The following TMED2 variants were observed in gnomAD, a reference collection of about 807,000 sequenced individuals.
TMED2 encodes transmembrane emp24 domain-containing protein 2.
Under a neutral mutation model 17.5 loss-of-function variants are expected in TMED2, and 3 were observed. That is an observed-to-expected ratio of 0.17 (90% CI 0.08 to 0.44). The LOEUF (loss-of-function observed/expected upper bound fraction) is 0.44. TMED2 is among the 20% of genes least tolerant of loss of function. The pLI is 0.99. For synonymous variants in TMED2, 95 were observed against 91.0 expected (o/e 1.04, Z -0.25); for missense variants, 149 against 254.8 (o/e 0.58, Z 2.83).
intron 1 of TMED2, chr12:123,586,351 CTTTTT>C (rs201491008): frequency 4.5e-5 from 6 of 131,966 alleles, no homozygotes; most frequent in East Asian, 2.2e-4. Context: ...TGGTGAATTT[CTTTTT>C]TTTTTTTTTT....
intron 3 of TMED2, among the ~76,000 whole-genome samples, chr12:123,596,105 T>C (rs1953429125): frequency 6.6e-6 from 1 of 152,220 alleles, no homozygotes; most frequent in African/African-American, 2.4e-5. Context: ...ATGACTTCAC[T>C]TAGAAATTTT....
In TMED2 at chr12:123,596,624, C is replaced by T. The variant is rs1191786122; in HGVS notation, c.501C>T (p.Ser167=). 7.5e-6 allele frequency: 12 copies of T among 1,610,250 alleles called. No homozygotes were observed. The highest frequency in any genetic ancestry group is 1.0e-5 in the Non-Finnish European group (12 of 1,178,734). ...CAACAGTCAACGACAACACAAACAG[C>T]AGAGTGGTCCTTTGGTCCTTCTTTG... is the stretch of plus-strand genomic sequence containing the variant. ...IHRAINDNTN[S]RVVLWSFFEA... is the part of the protein sequence containing the mutation. Residue 167 remains serine, a synonymous_variant, in exon 4 of 4, where the codon AGC becomes AGT. Coordinates refer to ENST00000262225, the MANE Select transcript of TMED2 (RefSeq NM_006815.4).
intron 3 of TMED2, among the ~76,000 whole-genome samples, chr12:123,591,922 AC>A (rs1953395445): frequency 1.3e-5 from 2 of 152,238 alleles, no homozygotes; most frequent in Non-Finnish European, 2.9e-5. Context: ...TTGTTCTGAG[AC>A]TGGAGTAGGA....
Position 123,584,775 on chromosome 12 carries a change from T to C in TMED2, c.139T>C (p.Phe47Leu). 6.2e-7 allele frequency: 1 copy of C among 1,613,154 alleles called. No individual in the cohort carries two copies. Among genetic ancestry groups the C allele is most frequent in the Non-Finnish European group, 8.5e-7 (1 of 1,179,860 alleles). Residue 47 changes from phenylalanine to leucine, a missense_variant, in exon 1 of 4, where the codon TTC becomes CTC. By Grantham distance (22) the Phe-to-Leu change is conservative. Coordinates refer to ENST00000262225, the MANE Select transcript of TMED2 (RefSeq NM_006815.4). ...CTCGGGCACCAAGATGGGCCTCATCTTCGAGGTGGCGGAGGGCGGCTTCCT... is the reference window on the plus strand; with the variant it reads ...CTCGGGCACCAAGATGGGCCTCATCCTCGAGGTGGCGGAGGGCGGCTTCCT... ...VTSGTKMGLI[F>L]EVAEGGFLDI... is the part of the protein sequence containing the mutation.
intron 3 of TMED2, among the ~76,000 whole-genome samples, chr12:123,595,008 C>T (rs1953420622): frequency 6.6e-6 from 1 of 152,152 alleles, no homozygotes. Flanking sequence ...GCAGGCAGAT[C>T]ACCTGAGGTT....
intron 2 of TMED2, among the ~76,000 whole-genome samples, chr12:123,588,302 G>C (rs1953366853): frequency 6.6e-6 from 1 of 151,894 alleles, no homozygotes. Context: ...CAGATATTCA[G>C]TATCAGTAGA....
intron 3 of TMED2, among the ~76,000 whole-genome samples, chr12:123,594,194 G>A (rs1264839465): frequency 1.3e-5 from 2 of 151,270 alleles, no homozygotes; most frequent in Admixed American, 1.3e-4. Flanking sequence ...GAGTGCAGTG[G>A]TGCAAACTCG....
chr12:123,584,860 C>A, intron 1 of TMED2, 44 bp downstream of exon 1: 1 of 1,596,130 alleles, frequency 6.3e-7, no homozygotes, highest in Non-Finnish European at 8.5e-7. Context: ...CGCGTGGCCA[C>A]TCGGGGATTG....
intron 3 of TMED2, among the ~76,000 whole-genome samples, chr12:123,592,193 C>T (rs1284971493): frequency 6.6e-6 from 1 of 152,178 alleles, no homozygotes; most frequent in East Asian, 1.9e-4. Flanking sequence ...CCTCTTGCCT[C>T]ACAATTTTGT....
chr12:123,594,826 G>T (rs1036281211), intron 3 of TMED2, among the ~76,000 whole-genome samples: 2 of 152,024 alleles, frequency 1.3e-5, no homozygotes, highest in Non-Finnish European at 1.5e-5. Flanking sequence ...GGTGGAGGTT[G>T]CAGTGAGCTG....
rs1167523053 is a variant in TMED2, at chr12:123,597,539, T to A, written c.*810T>A. The A allele has an allele frequency of 3.9e-5, 6 of 152,680 alleles. No homozygotes were observed. The highest frequency in any genetic ancestry group is 3.3e-4 in the Admixed American group (5 of 15,280). The allele number at this position is 152,680 out of a possible 1,614,324, so 9.5% of individuals were successfully genotyped here. On this transcript the variant is annotated 3_prime_UTR_variant, in exon 4 of 4. Coordinates refer to ENST00000262225, the MANE Select transcript of TMED2 (RefSeq NM_006815.4). ...AAGCATTTACATAATTGGAAAAATC[T>A]GGATTTCTGATGCCAAAGGGTTAAA...
chr12:123,589,150 A>G (rs1953372190), intron 2 of TMED2, among the ~76,000 whole-genome samples: 1 of 152,100 alleles, frequency 6.6e-6, no homozygotes, highest in Admixed American at 6.5e-5. Context: ...CCTTGTGTGT[A>G]TTTTTGGTTC....
At chr12:123,591,446 A>G (rs2135662454) in intron 3 of TMED2, among the ~76,000 whole-genome samples, 1 of 152,328 alleles carries the variant, frequency 6.6e-6, no homozygotes, top group African/African-American at 2.4e-5. Flanking sequence ...GGGCCACACC[A>G]TTGTTCAGTG....
At chr12:123,587,659 C>T in intron 2 of TMED2, 15 of 1,264,712 alleles carry the variant, frequency 1.2e-5, no homozygotes, top group Non-Finnish European at 1.3e-5. Context: ...TGACAGCATC[C>T]TTTTTGCATC....
At chr12:123,593,316 T>A (rs1284402646) in intron 3 of TMED2, among the ~76,000 whole-genome samples, 1 of 151,934 alleles carries the variant, frequency 6.6e-6, no homozygotes, top group Admixed American at 6.6e-5. Flanking sequence ...GCAGTGGTGC[T>A]ATCTCAGCCC....
chr12:123,590,986 G>GAA (rs79667168), intron 3 of TMED2, among the ~76,000 whole-genome samples: 4 of 132,032 alleles, frequency 3.0e-5, no homozygotes, highest in Admixed American at 7.8e-5. Flanking sequence ...CTGTCTCAGG[G>GAA]AAAAAAAAAA....
In TMED2 at chr12:123,586,901, T is replaced by G; in HGVS notation, c.335T>G (p.Ile112Ser). ...TPKIVMFTID[I>S]GEAPKGQDME... ...AAAATAGTGATGTTCACCATTGATA[T>G]TGGGGAGGCTCCAAAAGGACAAGAT... The change falls in exon 2 of 4, where the codon ATT becomes AGT. Residue 112 changes from isoleucine to serine, a missense_variant. Transcript: ENST00000262225. 1 of 1,610,832 alleles carries G rather than the reference T, an allele frequency of 6.2e-7. No homozygotes were observed. Among genetic ancestry groups the G allele is most frequent in the Non-Finnish European group, 8.5e-7 (1 of 1,178,582 alleles).
chr12:123,586,219 A>G (rs1886342832), intron 1 of TMED2: 1 of 152,316 alleles, frequency 6.6e-6, no homozygotes, highest in South Asian at 2.1e-4. Context: ...CATAAATGTC[A>G]GGACCTAAAG....
In TMED2 at chr12:123,590,310, C is replaced by G. The variant is rs766198492; in HGVS notation, c.374-32C>G. ...AAAAAAAAAAAAAAAAAGACATTGA[C>G]AAATGTGTTTTGTTTTCAAATCCTT... is the stretch of plus-strand genomic sequence containing the variant. On this transcript the variant is annotated intron_variant, in intron 2 of 3. Coordinates refer to ENST00000262225, the MANE Select transcript of TMED2 (RefSeq NM_006815.4). 2.2e-6 allele frequency: 3 copies of G among 1,358,278 alleles called. No homozygotes were observed. In the South Asian group the frequency reaches 3.8e-5, roughly 17 times the overall value. 84.1% of individuals were successfully genotyped at this position (1,358,278 alleles called of 1,614,324 possible). A position where few individuals can be genotyped will look rare whatever the true frequency, so the allele number is the denominator to read the frequency against.
Sources: gnomAD v4.1 joint callset for allele counts (sites outside exome capture counted in the v4.1 genomes callset) on GRCh38, gnomAD v4.1.1 for gene constraint, MANE v1.5 for transcripts, NCBI Gene and HGNC (gene_info 2026-07-23, HGNC 2026-07-21) for gene names.